PDZRN4: variants seen among roughly 807,000 people sequenced by gnomAD.
PDZRN4 encodes PDZ domain containing ring finger 4.
PDZRN4 carries 70 observed loss-of-function variants against 99.0 expected under a neutral mutation model. That is an observed-to-expected ratio of 0.71 (90% CI 0.58 to 0.86). The LOEUF (loss-of-function observed/expected upper bound fraction) is 0.86. Ranked by LOEUF, PDZRN4 falls within the 40% of genes least tolerant of loss-of-function variation. The pLI is 0.00. For missense variants in PDZRN4, 1,474 were observed against 1,331.2 expected (o/e 1.11, Z -1.67); for synonymous variants, 551 against 501.6 (o/e 1.10, Z -1.32).
At chr12:41,563,276 T>C (rs1328961284) in intron 7 of PDZRN4, among the ~76,000 whole-genome samples, 3 of 152,142 alleles carry the variant, frequency 2.0e-5, no homozygotes, top group Non-Finnish European at 2.9e-5. Flanking sequence ...AGCTGGTTAA[T>C]TGTGTTGCTA....
intron 3 of PDZRN4, among the ~76,000 whole-genome samples, chr12:41,227,898 CA>C (rs1951004934): frequency 2.0e-5 from 3 of 151,688 alleles, no homozygotes; most frequent in Non-Finnish European, 2.9e-5. Flanking sequence ...CACACACACA[CA>C]CACACACACA....
rs139655147 is a variant in PDZRN4, at chr12:41,486,457, T to C, written c.844-19999T>C. ...AATAATGCCCAACATAAGGGAGTTATTGCAAAAGTGGAATCAAACAAGATT... is the reference window on the plus strand; with the variant it reads ...AATAATGCCCAACATAAGGGAGTTACTGCAAAAGTGGAATCAAACAAGATT... On this transcript the variant is annotated intron_variant, in intron 3 of 9. Transcript: ENST00000402685. Among the ~76,000 whole-genome samples the C allele has an allele frequency of 3.8e-4, 58 of 152,242 alleles. 1 individual carries two copies. The East Asian group carries it at 0.011, about 28-fold the overall frequency.
intron 3 of PDZRN4, among the ~76,000 whole-genome samples, chr12:41,416,384 C>T (rs561880725): frequency 1.9e-4 from 29 of 152,282 alleles, no homozygotes; most frequent in Admixed American, 1.8e-3. Context: ...GTGGCTCACA[C>T]CTGTAATCCC....
chr12:41,333,232 C>T (rs377167772), intron 3 of PDZRN4, among the ~76,000 whole-genome samples: 2 of 152,098 alleles, frequency 1.3e-5, no homozygotes, highest in African/African-American at 4.8e-5. Flanking sequence ...TGAGACAGGT[C>T]ATCGTGGGTC....
chr12:41,355,838 G>A (rs990590469), intron 3 of PDZRN4, among the ~76,000 whole-genome samples: 63 of 152,020 alleles, frequency 4.1e-4, no homozygotes, highest in African/African-American at 1.4e-3. Context: ...CTAACCAGGA[G>A]AGAGTGGTTT....
intron 3 of PDZRN4, among the ~76,000 whole-genome samples, chr12:41,260,370 G>C (rs941154429): frequency 6.6e-6 from 1 of 152,060 alleles, no homozygotes; most frequent in Non-Finnish European, 1.5e-5. Flanking sequence ...GCCATCTTTT[G>C]TGGGTGGTCT....
chr12:41,211,177 T>C (rs1950885982), intron 3 of PDZRN4, among the ~76,000 whole-genome samples: 1 of 152,014 alleles, frequency 6.6e-6, no homozygotes, highest in Admixed American at 6.6e-5. Flanking sequence ...GTACTTTATA[T>C]ATAATTACCT....
chr12:41,457,567 T>TA (rs1343615953), intron 3 of PDZRN4, among the ~76,000 whole-genome samples: 1 of 152,198 alleles, frequency 6.6e-6, no homozygotes, highest in Admixed American at 6.5e-5. Context: ...TATAGCAGAA[T>TA]AAAATGAGGG....
chr12:41,506,114 G>C lies in PDZRN4; in HGVS notation c.844-342G>C, dbSNP rs78208940. Among the ~76,000 whole-genome samples, 1,492 of 151,892 alleles carry C rather than the reference G, an allele frequency of 9.8e-3. 58 individuals are homozygous for C. In the East Asian group the frequency reaches 0.14, roughly 14 times the overall value. ...CGAGAGATTGATAGATCATGAAAAAGTAGGATATACTTAACATTTCTAACT... is the reference window on the plus strand; with the variant it reads ...CGAGAGATTGATAGATCATGAAAAACTAGGATATACTTAACATTTCTAACT... On this transcript the variant is annotated intron_variant, in intron 3 of 9. Transcript: ENST00000402685.
intron 3 of PDZRN4, among the ~76,000 whole-genome samples, chr12:41,324,422 A>G (rs1007199843): frequency 6.6e-6 from 1 of 152,120 alleles, no homozygotes; most frequent in African/African-American, 2.4e-5. Context: ...GAGAAACATT[A>G]TGAAAGAGCA....
At chr12:41,341,974 A>G (rs1951821625) in intron 3 of PDZRN4, among the ~76,000 whole-genome samples, 1 of 152,014 alleles carries the variant, frequency 6.6e-6, no homozygotes, top group Admixed American at 6.6e-5. Flanking sequence ...AGTAACCAAA[A>G]CAGCATGGTA....
intron 3 of PDZRN4, among the ~76,000 whole-genome samples, chr12:41,436,306 T>G (rs991699122): frequency 3.9e-5 from 6 of 152,192 alleles, no homozygotes; most frequent in Non-Finnish European, 8.8e-5. Context: ...AAGCAGCAGA[T>G]GATTGTTCAT....
Position 41,440,326 on chromosome 12 carries a change from G to A in PDZRN4, c.844-66130G>A, listed in dbSNP as rs925791003. Among the ~76,000 whole-genome samples the A allele has an allele frequency of 2.0e-5, 3 of 151,996 alleles. 1 individual carries two copies. The highest frequency in any genetic ancestry group is 6.3e-3 in the Middle Eastern group (2 of 316). On this transcript the variant is annotated intron_variant, in intron 3 of 9. Transcript: ENST00000402685. ...GATATGAAAATTTAAGATTAGCAGC[G>A]ATCACGAAACATATGATCAACAGGA...
chr12:41,286,735 C>T (rs372512074), intron 3 of PDZRN4, among the ~76,000 whole-genome samples: 2 of 152,124 alleles, frequency 1.3e-5, no homozygotes, highest in East Asian at 3.9e-4. Context: ...TGCAGAAGAC[C>T]CATAGGGCAG....
At chr12:41,219,659 A>G (rs1026161577) in intron 3 of PDZRN4, among the ~76,000 whole-genome samples, 5 of 152,120 alleles carry the variant, frequency 3.3e-5, no homozygotes, top group African/African-American at 1.2e-4. Context: ...CACAAAGTTT[A>G]CTGTTAGATA....
intron 3 of PDZRN4, among the ~76,000 whole-genome samples, chr12:41,446,170 GT>G (rs1952726495): frequency 6.6e-6 from 1 of 152,004 alleles, no homozygotes; most frequent in South Asian, 2.1e-4. Flanking sequence ...TTGCTTTATG[GT>G]TGTTTAGGTC....
rs181410273 is a variant in PDZRN4 at position 41,300,710 on chromosome 12, C to T, written c.843+106522C>T. On this transcript the variant is annotated intron_variant, in intron 3 of 9. Coordinates refer to ENST00000402685, the MANE Select transcript of PDZRN4 (RefSeq NM_001164595.2). ...GATATTTGTCAAATATCCCTAGGGC[C>T]TTTCACATACTGGTCAGCTGTACCC... 1.5e-3 allele frequency among the ~76,000 whole-genome samples: 224 copies of T among 152,042 alleles called. 3 individuals carry two copies. The highest frequency in any genetic ancestry group is 2.2e-4 in the Non-Finnish European group (15 of 67,868).
At chr12:41,380,823 T>A (rs577350458) in intron 3 of PDZRN4, among the ~76,000 whole-genome samples, 1 of 152,256 alleles carries the variant, frequency 6.6e-6, no homozygotes, top group Admixed American at 6.5e-5. Context: ...TTATCTGGTG[T>A]TATATATTCA....
intron 3 of PDZRN4, among the ~76,000 whole-genome samples, chr12:41,285,106 A>G (rs575688709): frequency 2.6e-5 from 4 of 152,294 alleles, no homozygotes; most frequent in African/African-American, 9.6e-5. Context: ...CAATCTATCC[A>G]TCTGACAAAG....
Sources: gnomAD v4.1 joint callset for allele counts (sites outside exome capture counted in the v4.1 genomes callset) on GRCh38, gnomAD v4.1.1 for gene constraint, MANE v1.5 for transcripts, NCBI Gene and HGNC (gene_info 2026-07-23, HGNC 2026-07-21) for gene names.